The following RGS5 variants were observed in gnomAD, a reference collection of about 807,000 sequenced individuals.
The protein encoded by RGS5 is regulator of G protein signaling 5, also known as regulator of G-protein signalling 5.
In RGS5, 20 loss-of-function variants were observed where a neutral mutation model predicts 18.9. The ratio of observed to expected loss-of-function variants is 1.06; its 90% confidence interval spans 0.74 to 1.54. The LOEUF (loss-of-function observed/expected upper bound fraction) is 1.54. Among genes scored for constraint, RGS5 ranks in the 40% most tolerant of loss-of-function variants. The pLI is 0.00. For missense variants in RGS5, 201 were observed against 211.8 expected (o/e 0.95, Z 0.32); for synonymous variants, 57 against 76.2 (o/e 0.75, Z 1.31).
intron 2 of RGS5, among the ~76,000 whole-genome samples, chr1:163,265,795 T>C (rs555293453): frequency 6.6e-6 from 1 of 152,142 alleles, no homozygotes; most frequent in Admixed American, 6.5e-5. Context: ...TTGTTCCTGT[T>C]ATGGTTGATT....
intron 2 of RGS5, among the ~76,000 whole-genome samples, chr1:163,291,566 A>G (rs1226033916): frequency 6.6e-6 from 1 of 152,188 alleles, no homozygotes; most frequent in East Asian, 1.9e-4. Context: ...AGCAGGTAAC[A>G]TCACTATTAT....
At chr1:163,211,253 T>C (rs2101671190) in intron 1 of RGS5, 1 of 152,244 alleles carries the variant, frequency 6.6e-6, no homozygotes, top group Admixed American at 6.5e-5. Flanking sequence ...AAATGGTACG[T>C]TAACTTAAGG....
In RGS5 at chr1:163,143,360, C is replaced by T. The variant is rs1656999801; in HGVS notation, c.*3982G>A. ...ATTGCCTACCCCTTGGGTTTCGATG[C>T]TTGGATGTTGGAGATTACATTTTCT... On this transcript the variant is annotated 3_prime_UTR_variant, in exon 5 of 5. Transcript: ENST00000313961. 1 of 152,178 alleles carries T rather than the reference C, an allele frequency of 6.6e-6. No individual in the cohort carries two copies. The highest frequency in any genetic ancestry group is 1.5e-5 in the Non-Finnish European group (1 of 68,028). 9.4% of individuals were successfully genotyped at this position (152,178 alleles called of 1,614,324 possible). A position where few individuals can be genotyped will look rare whatever the true frequency, so the allele number is the denominator to read the frequency against.
chr1:163,299,763 A>C (rs1348305499), intron 2 of RGS5, among the ~76,000 whole-genome samples: 1 of 152,220 alleles, frequency 6.6e-6, no homozygotes, highest in East Asian at 1.9e-4. Context: ...TCTAGTAGCC[A>C]GTACCACAGT....
intron 1 of RGS5, among the ~76,000 whole-genome samples, chr1:163,309,537 C>T (rs2101648335): frequency 6.6e-6 from 1 of 152,088 alleles, no homozygotes; most frequent in South Asian, 2.1e-4. Flanking sequence ...ACTCGTCATC[C>T]ATTCAAGTTT....
intron 2 of RGS5, among the ~76,000 whole-genome samples, chr1:163,270,944 A>G (rs1648703192): frequency 6.6e-6 from 1 of 152,218 alleles, no homozygotes; most frequent in Non-Finnish European, 1.5e-5. Flanking sequence ...AAGCTTTTTA[A>G]AATAGATACA....
intron 1 of RGS5, among the ~76,000 whole-genome samples, chr1:163,313,264 A>G (rs16852428): frequency 0.049 from 7,522 of 152,324 alleles, 223 homozygotes; most frequent in South Asian, 0.094. Context: ...TCAGGGTAGA[A>G]TATGTGGTTA....
chr1:163,215,577 G>T (rs61810851), intron 1 of RGS5, among the ~76,000 whole-genome samples: 16,811 of 152,206 alleles, frequency 0.11, 1,252 homozygotes, highest in South Asian at 0.18. Flanking sequence ...GACAATAGGA[G>T]GACCACAAAG....
At chr1:163,186,520 A>G (rs1431009214) in intron 1 of RGS5, among the ~76,000 whole-genome samples, 7 of 141,252 alleles carry the variant, frequency 5.0e-5, no homozygotes, top group African/African-American at 7.8e-5. Flanking sequence ...CAGAGCTTGC[A>G]GTGAGCCGAG....
chr1:163,168,058 C>T (rs748892030), intron 2 of RGS5, among the ~76,000 whole-genome samples, 200 bp downstream of exon 2: 2 of 151,660 alleles, frequency 1.3e-5, no homozygotes, highest in African/African-American at 4.9e-5. Context: ...TGTATTCTGC[C>T]TGTATTCAAT....
chr1:163,315,284 T>C (rs1026255415), intron 1 of RGS5, among the ~76,000 whole-genome samples: 4 of 152,186 alleles, frequency 2.6e-5, no homozygotes, highest in African/African-American at 9.7e-5. Context: ...AGGCCGGGTA[T>C]GTTGGCTCAT....
intron 3 of RGS5, among the ~76,000 whole-genome samples, chr1:163,153,467 C>G (rs540563770): frequency 1.3e-4 from 20 of 152,142 alleles, no homozygotes; most frequent in African/African-American, 4.3e-4. Flanking sequence ...GGGAAAGGGC[C>G]AGATGAAGTT....
At chr1:163,232,874 AGT>A (rs1024263812) in intron 2 of RGS5, among the ~76,000 whole-genome samples, 7 of 152,188 alleles carry the variant, frequency 4.6e-5, no homozygotes, top group Non-Finnish European at 4.4e-5. Flanking sequence ...GAAAAAACAG[AGT>A]GTCTCTTTTA....
At chr1:163,226,324 A>G (rs1647334846) in intron 2 of RGS5, among the ~76,000 whole-genome samples, 1 of 152,238 alleles carries the variant, frequency 6.6e-6, no homozygotes, top group Non-Finnish European at 1.5e-5. Context: ...CTTAAAAGTA[A>G]ACATAAAATT....
chr1:163,149,920 C>T (rs10917683), intron 4 of RGS5, among the ~76,000 whole-genome samples: 31,594 of 152,082 alleles, frequency 0.21, 5,453 homozygotes, highest in African/African-American at 0.48. Context: ...CATACATATA[C>T]ACAAGATGGT....
intron 1 of RGS5, among the ~76,000 whole-genome samples, chr1:163,180,686 G>GTTTTTTTGTTTTTTT (rs1658782943): frequency 1.6e-5 from 1 of 61,964 alleles, no homozygotes; most frequent in South Asian, 7.3e-4. Context: ...CCCTTACCCT[G>GTTTTTTTGTTTTTTT]TTTTTTTTTT....
At chr1:163,163,969 T>C (rs1475286064) in intron 2 of RGS5, among the ~76,000 whole-genome samples, 1 of 152,186 alleles carries the variant, frequency 6.6e-6, no homozygotes, top group African/African-American at 2.4e-5. Flanking sequence ...TCCAATCTGA[T>C]TTTTCCCAAA....
chr1:163,186,578 C>CAAAAAAAAAAAAAAAAAAAA (rs34092786), intron 1 of RGS5, among the ~76,000 whole-genome samples: 11 of 95,910 alleles, frequency 1.1e-4, no homozygotes, highest in East Asian at 3.0e-4. Context: ...GACTCTGTCT[C>CAAAAAAAAAAAAAAAAAAAA]AAAAAAAAAA....
chr1:163,229,216 C>T (rs1475710642), intron 2 of RGS5, among the ~76,000 whole-genome samples: 1 of 152,126 alleles, frequency 6.6e-6, no homozygotes, highest in Non-Finnish European at 1.5e-5. Context: ...AGTTCCATAT[C>T]GCTGGGGAGG....
Sources: gnomAD v4.1 joint callset for allele counts (sites outside exome capture counted in the v4.1 genomes callset) on GRCh38, gnomAD v4.1.1 for gene constraint, MANE v1.5 for transcripts, NCBI Gene and HGNC (gene_info 2026-07-23, HGNC 2026-07-21) for gene names.